The following MTUS1 variants were observed in gnomAD, a reference collection of about 807,000 sequenced individuals.
MTUS1 encodes the protein microtubule-associated tumor suppressor 1.
In MTUS1, 109 loss-of-function variants were observed where a neutral mutation model predicts 120.8. That is an observed-to-expected ratio of 0.90 (90% confidence interval 0.77 to 1.06). MTUS1 has a LOEUF of 1.06. MTUS1 is among the 50% of genes least tolerant of loss of function. The pLI is 0.00. For synonymous variants in MTUS1, 737 were observed against 550.5 expected (o/e 1.34, Z -4.74); for missense variants, 2,210 against 1,486.3 (o/e 1.49, Z -8.01).
chr8:17,701,704 C>A (rs140477870), intron 6 of MTUS1, among the ~76,000 whole-genome samples: 1 of 151,982 alleles, frequency 6.6e-6, no homozygotes, highest in Non-Finnish European at 1.5e-5. Context: ...CCCGCCACCA[C>A]GCCTGACTAA....
rs2048380608 is a variant in MTUS1 at position 17,753,930 on chromosome 8, C to G, written c.1878G>C (p.Glu626Asp). Residue 626 changes from glutamate to aspartate, a missense_variant, in exon 2 of 15, where the codon GAG becomes GAC. Coordinates refer to ENST00000693296, the MANE Select transcript of MTUS1 (RefSeq NM_001363059.2). The stretch of plus-strand genomic sequence containing the variant: ...GAAACAACGCAGAAACGGACCCGGT[C>G]TCGCATGCTGAGTTAGAAGAACTGG... Reference protein sequence around the residue: ...DKASSSNSACETGSVSALFQK... With the variant: ...DKASSSNSACDTGSVSALFQK... The G allele has an allele frequency of 6.2e-7, 1 of 1,614,168 alleles. No individual in the cohort carries two copies. Among genetic ancestry groups the G allele is most frequent in the South Asian group, 1.1e-5 (1 of 91,076 alleles).
intron 7 of MTUS1, among the ~76,000 whole-genome samples, chr8:17,677,571 A>G (rs1242101905): frequency 6.6e-6 from 1 of 152,180 alleles, no homozygotes; most frequent in East Asian, 1.9e-4. Context: ...AAAATACACC[A>G]GGTGATATTT....
chr8:17,722,267 C>T, intron 4 of MTUS1: 1 of 989,982 alleles, frequency 1.0e-6, no homozygotes, highest in Non-Finnish European at 1.2e-6. Flanking sequence ...AAACACGGGG[C>T]TGTGGCACTA....
intron 3 of MTUS1, among the ~76,000 whole-genome samples, chr8:17,732,115 G>A (rs1247516375): frequency 6.6e-6 from 1 of 152,160 alleles, no homozygotes; most frequent in African/African-American, 2.4e-5. Flanking sequence ...GAAGTGGTGG[G>A]ATGCACACGG....
intron 6 of MTUS1, chr8:17,691,829 TA>T (rs1254471961): frequency 6.6e-6 from 1 of 152,230 alleles, no homozygotes; most frequent in Non-Finnish European, 1.5e-5. Flanking sequence ...AATGCCCTCC[TA>T]ATCCATAACA....
At chr8:17,747,158 A>AT (rs1230742183) in intron 2 of MTUS1, among the ~76,000 whole-genome samples, 1 of 152,204 alleles carries the variant, frequency 6.6e-6, no homozygotes, top group East Asian at 1.9e-4. Flanking sequence ...ATCCTTTTGC[A>AT]TATGGAAGCC....
intron 8 of MTUS1, among the ~76,000 whole-genome samples, chr8:17,672,969 GCA>G (rs1156960372): frequency 6.6e-6 from 1 of 152,206 alleles, no homozygotes; most frequent in African/African-American, 2.4e-5. Flanking sequence ...GAGCGAATGG[GCA>G]CAGTGTTCCA....
chr8:17,694,294 A>C (rs1023867985), intron 6 of MTUS1, among the ~76,000 whole-genome samples: 1 of 152,208 alleles, frequency 6.6e-6, no homozygotes, highest in Non-Finnish European at 1.5e-5. Context: ...TGGTAAAAAC[A>C]AATCAAGATT....
chr8:17,760,262 A>G (rs1306620135), intron 1 of MTUS1, among the ~76,000 whole-genome samples: 1 of 152,092 alleles, frequency 6.6e-6, no homozygotes, highest in East Asian at 1.9e-4. Flanking sequence ...TGGTGAGCAA[A>G]GAGACTAAAA....
intron 13 of MTUS1, among the ~76,000 whole-genome samples, chr8:17,649,075 G>T (rs948588614): frequency 6.8e-6 from 1 of 147,040 alleles, no homozygotes; most frequent in Admixed American, 7.0e-5. Flanking sequence ...TGTCCAAATG[G>T]ATTAATCTTA....
At chr8:17,790,301 T>G (rs1041425316) in intron 1 of MTUS1, among the ~76,000 whole-genome samples, 2 of 149,244 alleles carry the variant, frequency 1.3e-5, no homozygotes, top group Non-Finnish European at 2.9e-5. Context: ...TGAGCCGAGA[T>G]GAAGCCATTG....
chr8:17,669,103 C>G (rs1031978138), intron 8 of MTUS1, among the ~76,000 whole-genome samples: 1 of 152,108 alleles, frequency 6.6e-6, no homozygotes, highest in Admixed American at 6.5e-5. Context: ...TTGAAGAGTT[C>G]CTAATTCTAG....
intron 8 of MTUS1, chr8:17,674,670 AGGT>A: frequency 1.0e-6 from 1 of 986,954 alleles, no homozygotes; most frequent in Non-Finnish European, 1.2e-6. Flanking sequence ...TGGAGCGGGG[AGGT>A]GGTGAACCAT....
rs1228654531 is a variant in MTUS1, at chr8:17,685,498, T to C, written c.2624-956A>G. On this transcript the variant is annotated intron_variant, in intron 6 of 14. Transcript: ENST00000693296. ...AACTAAAAAAAAAAAAAAGTTTCCTTATTCTAACAGTCTTTCATTACAGCA... is the reference window on the plus strand; with the variant it reads ...AACTAAAAAAAAAAAAAAGTTTCCTCATTCTAACAGTCTTTCATTACAGCA... Among the ~76,000 whole-genome samples, 4 of 152,164 alleles carry C rather than the reference T, an allele frequency of 2.6e-5. No individual in the cohort carries two copies. The East Asian group carries it at 7.7e-4, about 29-fold the overall frequency.
At position 17,645,963 on chromosome 8, in the gene MTUS1, G is replaced by C. The variant is rs148435996; in HGVS notation, c.3776C>G (p.Ser1259Trp). Residue 1259 changes from serine to tryptophan, a missense_variant, in exon 15 of 15, where the codon TCG becomes TGG. Physicochemically the swap from Ser to Trp is radical, Grantham distance 177. Transcript: ENST00000693296. Reference sequence around the variant, plus strand: ...AATGCTGGGGCTAGGGAAGGAGCCCGAATTCCTTGGTGACTGCAAAGGGAT... The same window carrying C: ...AATGCTGGGGCTAGGGAAGGAGCCCCAATTCCTTGGTGACTGCAAAGGGAT... ...SAIPLQSPRN[S>W]GSFPSPSISP... 2 of 1,612,980 alleles carry C rather than the reference G, an allele frequency of 1.2e-6. No homozygotes were observed. The highest frequency in any genetic ancestry group is 1.7e-6 in the Non-Finnish European group (2 of 1,179,894).
intron 1 of MTUS1, among the ~76,000 whole-genome samples, chr8:17,774,311 T>C (rs1221597428): frequency 6.6e-6 from 1 of 152,210 alleles, no homozygotes; most frequent in African/African-American, 2.4e-5. Context: ...AGTTAGGACT[T>C]TGTTTCCATG....
At chr8:17,800,116 C>A (rs992888616) in intron 1 of MTUS1, among the ~76,000 whole-genome samples, 3 of 152,232 alleles carry the variant, frequency 2.0e-5, no homozygotes, top group African/African-American at 7.2e-5. Context: ...GCACTGTTAT[C>A]TTGTATATAC....
intron 6 of MTUS1, among the ~76,000 whole-genome samples, chr8:17,708,244 T>A (rs1203403375): frequency 6.6e-6 from 1 of 152,154 alleles, no homozygotes; most frequent in Non-Finnish European, 1.5e-5. Flanking sequence ...ATACAAGAAC[T>A]CCTACAATTC....
At chr8:17,714,144 G>C (rs917950420) in intron 5 of MTUS1, among the ~76,000 whole-genome samples, 1 of 152,100 alleles carries the variant, frequency 6.6e-6, no homozygotes. Flanking sequence ...AACTCAGCAA[G>C]AGGTCATTTG....
Sources: gnomAD v4.1 joint callset for allele counts (sites outside exome capture counted in the v4.1 genomes callset) on GRCh38, gnomAD v4.1.1 for gene constraint, MANE v1.5 for transcripts, NCBI Gene and HGNC (gene_info 2026-07-23, HGNC 2026-07-21) for gene names.